AFF3: variants seen among roughly 807,000 people sequenced by gnomAD.
AFF3 encodes AF4/FMR2 family member 3.
AFF3 carries 32 observed loss-of-function variants against 129.7 expected under a neutral mutation model. The observed-to-expected ratio is 0.25, with a 90% CI of 0.19 to 0.33. AFF3 has a LOEUF of 0.33. AFF3 is among the 10% of genes least tolerant of loss of function. The probability of loss-of-function intolerance (pLI) is 1.00; values close to 1 mark genes in which losing one functional copy is unlikely to be tolerated. For synonymous variants in AFF3, 644 were observed against 635.4 expected (o/e 1.01, Z -0.20); for missense variants, 1,373 against 1,592.0 (o/e 0.86, Z 2.34).
rs536441276 is a variant in AFF3 at position 100,032,972 on chromosome 2, T to C, written c.54-24040A>G. 2.3e-4 allele frequency among the ~76,000 whole-genome samples: 35 copies of C among 152,232 alleles called. 1 individual carries two copies. Among genetic ancestry groups the C allele is most frequent in the Non-Finnish European group, 4.7e-4 (32 of 68,036 alleles). ...CAGTAGAGTAAGTCCAACAACCTTA[T>C]TCTTTTTCAAGATTGGCTTGTTATG... On this transcript the variant is annotated intron_variant, in intron 4 of 24. Transcript: ENST00000672756.
chr2:99,684,993 C>A (rs2104591077), intron 11 of AFF3, among the ~76,000 whole-genome samples: 1 of 149,670 alleles, frequency 6.7e-6, no homozygotes, highest in African/African-American at 2.5e-5. Flanking sequence ...GGCTGAGGTG[C>A]AGTGGTGCTA....
intron 9 of AFF3, among the ~76,000 whole-genome samples, chr2:99,749,406 G>T (rs767212198): frequency 1.4e-4 from 22 of 152,072 alleles, no homozygotes; most frequent in Non-Finnish European, 2.4e-4. Context: ...GAACAAACTG[G>T]TACAATATTT....
In AFF3 at chr2:99,554,428, C is replaced by T. The variant is rs1406058293; in HGVS notation, c.3442G>A (p.Val1148Ile). 14 of 1,613,974 alleles carry T rather than the reference C, an allele frequency of 8.7e-6. No individual in the cohort carries two copies. Among genetic ancestry groups the T allele is most frequent in the Non-Finnish European group, 1.2e-5 (14 of 1,180,038 alleles). ...TGGTGGATGCGCTGTGGGATGCTGA[C>T]GATGGTCGACGGGGACAGGGCGCTG... Reference protein sequence around the residue: ...NASALSPSTIVSIPQRIHQMA... With the variant: ...NASALSPSTIISIPQRIHQMA... The change falls in exon 24 of 25, where the codon GTC (valine) becomes ATC (isoleucine). Residue 1148 changes from valine (V) to isoleucine (I), a missense_variant. Physicochemically the swap from Val to Ile is conservative, Grantham distance 29 (BLOSUM62 3). Coordinates refer to ENST00000672756, the MANE Select transcript of AFF3 (RefSeq NM_001386135.1).
intron 7 of AFF3, among the ~76,000 whole-genome samples, chr2:99,985,939 G>A (rs545869148): frequency 1.4e-3 from 217 of 152,112 alleles, no homozygotes; most frequent in African/African-American, 4.9e-3. Flanking sequence ...AGTGGCTCAC[G>A]CCTGTAATCC....
chr2:99,741,970 C>G lies in AFF3; in HGVS notation c.1039+2134G>C, dbSNP rs555659844. Reference sequence around the variant, plus strand: ...GGTGGGGTCAGTTCTCCTAAAGTTTCAAATGTGCTGTAAATTGCAGAGAAT... The same window carrying G: ...GGTGGGGTCAGTTCTCCTAAAGTTTGAAATGTGCTGTAAATTGCAGAGAAT... On this transcript the variant is annotated intron_variant, in intron 10 of 24. Coordinates refer to ENST00000672756, the MANE Select transcript of AFF3 (RefSeq NM_001386135.1). 4.8e-4 allele frequency among the ~76,000 whole-genome samples: 73 copies of G among 152,246 alleles called. No individual in the cohort carries two copies. The South Asian group carries it at 0.012, about 25-fold the overall frequency.
chr2:99,699,356 T>C (rs557051938), intron 11 of AFF3, among the ~76,000 whole-genome samples: 1 of 152,188 alleles, frequency 6.6e-6, no homozygotes, highest in African/African-American at 2.4e-5. Context: ...GGGCAGGACA[T>C]GAAAATGTAA....
chr2:99,615,545 T>C (rs1457433833), intron 13 of AFF3, among the ~76,000 whole-genome samples: 4 of 152,216 alleles, frequency 2.6e-5, no homozygotes, highest in East Asian at 1.9e-4. Flanking sequence ...GGAGCTGCCA[T>C]GTGGCCTGGG....
chr2:99,952,062 G>C (rs1004066190), intron 7 of AFF3, among the ~76,000 whole-genome samples: 3 of 152,160 alleles, frequency 2.0e-5, no homozygotes, highest in African/African-American at 4.8e-5. Flanking sequence ...AAAGGCCTTT[G>C]TTTTCTAGTA....
chr2:99,932,709 T>C (rs929144176), intron 7 of AFF3, among the ~76,000 whole-genome samples: 1 of 151,820 alleles, frequency 6.6e-6, no homozygotes, highest in Non-Finnish European at 1.5e-5. Flanking sequence ...CTTGAATTCA[T>C]CTGTGTCTGG....
At chr2:99,689,091 G>A (rs13400157) in intron 11 of AFF3, among the ~76,000 whole-genome samples, 77,317 of 151,384 alleles carry the variant, frequency 0.51, 19,802 homozygotes, top group East Asian at 0.66. Context: ...GCTTTTCTTG[G>A]AATTCCTCCC....
At chr2:99,682,131 T>C (rs778204066) in intron 11 of AFF3, among the ~76,000 whole-genome samples, 2 of 152,074 alleles carry the variant, frequency 1.3e-5, no homozygotes, top group Non-Finnish European at 2.9e-5. Context: ...GGTCTCGAAC[T>C]CCTGACCTCA....
rs1342303443 is a variant in AFF3, at chr2:99,551,253, G to A, written c.*221C>T. The A allele has an allele frequency of 5.0e-6, 3 of 599,906 alleles. No homozygotes were observed. Among genetic ancestry groups the A allele is most frequent in the Non-Finnish European group, 8.6e-6 (3 of 347,070 alleles). 37.2% of individuals were successfully genotyped at this position (599,906 alleles called of 1,614,324 possible). ...ATTATGGAAACTAGACAAAGAAGGTGTGTTCTGAAGAGCTGTGTATCTTAC... is the reference window on the plus strand; with the variant it reads ...ATTATGGAAACTAGACAAAGAAGGTATGTTCTGAAGAGCTGTGTATCTTAC... On this transcript the variant is annotated 3_prime_UTR_variant, in exon 25 of 25. Coordinates refer to ENST00000672756, the MANE Select transcript of AFF3 (RefSeq NM_001386135.1).
intron 4 of AFF3, among the ~76,000 whole-genome samples, chr2:100,011,185 A>G (rs1469060032): frequency 2.0e-5 from 3 of 152,102 alleles, no homozygotes; most frequent in Non-Finnish European, 4.4e-5. Context: ...GAGGCAGGAG[A>G]ACGGCACGAA....
chr2:99,933,199 C>G (rs543661717), intron 7 of AFF3, among the ~76,000 whole-genome samples: 12 of 151,926 alleles, frequency 7.9e-5, no homozygotes, highest in Admixed American at 2.0e-4. Flanking sequence ...TCTATGAGAT[C>G]TCTTTCAGAC....
At chr2:100,035,400 A>C (rs1011594954) in intron 4 of AFF3, among the ~76,000 whole-genome samples, 18 of 152,262 alleles carry the variant, frequency 1.2e-4, no homozygotes, top group Non-Finnish European at 8.8e-5. Context: ...CATTTACTCA[A>C]CAGGAGTAAG....
chr2:100,010,883 C>A (rs542718008), intron 4 of AFF3, among the ~76,000 whole-genome samples: 1 of 152,298 alleles, frequency 6.6e-6, no homozygotes, highest in Non-Finnish European at 1.5e-5. Context: ...ATATGACCCA[C>A]ACTGCAGATG....
At chr2:99,719,763 C>T (rs766687350) in intron 11 of AFF3, among the ~76,000 whole-genome samples, 3 of 152,108 alleles carry the variant, frequency 2.0e-5, no homozygotes, top group South Asian at 2.1e-4. Context: ...ATTTAAAGTA[C>T]GTATTGGCCG....
At chr2:99,781,372 G>C (rs889050132) in intron 8 of AFF3, among the ~76,000 whole-genome samples, 1 of 152,120 alleles carries the variant, frequency 6.6e-6, no homozygotes, top group African/African-American at 2.4e-5. Context: ...TATATTTATT[G>C]GTTTATCTGT....
At chr2:100,140,715 G>T (rs955614959) in intron 1 of AFF3, among the ~76,000 whole-genome samples, 3 of 152,122 alleles carry the variant, frequency 2.0e-5, no homozygotes, top group Non-Finnish European at 4.4e-5. Flanking sequence ...TACAAGATGT[G>T]TATGAGTACA....
Sources: allele counts gnomAD v4.1 joint callset (sites outside exome capture counted in the v4.1 genomes callset), GRCh38; gene constraint gnomAD v4.1.1; transcripts MANE v1.5; gene names NCBI Gene and HGNC (gene_info 2026-07-23, HGNC 2026-07-21).